VPS13B: variants seen among roughly 807,000 people sequenced by gnomAD.
The protein encoded by VPS13B is intermembrane lipid transfer protein VPS13B.
A neutral mutation model predicts 426.4 loss-of-function variants in VPS13B; 285 were observed. The observed-to-expected ratio is 0.67, with a 90% CI of 0.61 to 0.74. The LOEUF is 0.74. VPS13B is among the 30% of genes least tolerant of loss of function. The pLI is 0.00. For missense variants in VPS13B, 4,537 were observed against 4,782.6 expected (o/e 0.95, Z 1.51); for synonymous variants, 1,676 against 1,676.4 (o/e 1.00, Z 0.01).
chr8:99,421,896 G>A (rs772147859), intron 21 of VPS13B, among the ~76,000 whole-genome samples: 1 of 151,980 alleles, frequency 6.6e-6, no homozygotes, highest in Non-Finnish European at 1.5e-5. Flanking sequence ...TGTCCAGGAT[G>A]ATCTTGAACC....
At chr8:99,751,439 A>G (rs1225466847) in intron 39 of VPS13B, among the ~76,000 whole-genome samples, 1 of 152,160 alleles carries the variant, frequency 6.6e-6, no homozygotes, top group Non-Finnish European at 1.5e-5. Flanking sequence ...TACATTGGTA[A>G]AGAAAATGCT....
intron 51 of VPS13B, among the ~76,000 whole-genome samples, chr8:99,826,826 A>G (rs938503139): frequency 2.6e-5 from 4 of 152,170 alleles, no homozygotes; most frequent in African/African-American, 9.7e-5. Flanking sequence ...TATTGAGATA[A>G]TCACGTCGTT....
intron 35 of VPS13B, among the ~76,000 whole-genome samples, chr8:99,687,942 G>A (rs554005161): frequency 6.6e-6 from 1 of 151,980 alleles, no homozygotes; most frequent in Non-Finnish European, 1.5e-5. Context: ...GCCTAGCCTT[G>A]TGAATGAACT....
At chr8:99,411,859 A>G (rs1255851810) in intron 21 of VPS13B, among the ~76,000 whole-genome samples, 1 of 152,248 alleles carries the variant, frequency 6.6e-6, no homozygotes, top group South Asian at 2.1e-4. Context: ...GTCAAAGATC[A>G]GATGGTTGTA....
At chr8:99,753,180 A>G (rs777963440) in intron 39 of VPS13B, among the ~76,000 whole-genome samples, 2 of 152,166 alleles carry the variant, frequency 1.3e-5, no homozygotes, top group Non-Finnish European at 2.9e-5. Flanking sequence ...TCTTTTCCTA[A>G]AATATAAACT....
chr8:99,031,671 G>A (rs1842513710), intron 2 of VPS13B, among the ~76,000 whole-genome samples: 1 of 152,166 alleles, frequency 6.6e-6, no homozygotes, highest in South Asian at 2.1e-4. Flanking sequence ...ATCAATATCA[G>A]CATTTTCTGT....
intron 3 of VPS13B, among the ~76,000 whole-genome samples, chr8:99,057,832 A>G (rs1843963453): frequency 6.6e-6 from 1 of 152,128 alleles, no homozygotes; most frequent in African/African-American, 2.4e-5. Flanking sequence ...TCAATTATTC[A>G]TCAGTCTGTT....
At chr8:99,045,780 C>G (rs2132246185) in intron 3 of VPS13B, among the ~76,000 whole-genome samples, 1 of 152,224 alleles carries the variant, frequency 6.6e-6, no homozygotes, top group Non-Finnish European at 1.5e-5. Flanking sequence ...CCAATTATCC[C>G]AGCACCATTT....
At chr8:99,501,645 G>A in intron 25 of VPS13B, 42 bp from the exon 26 acceptor site, 1 of 1,588,156 alleles carries the variant, frequency 6.3e-7, no homozygotes, top group Non-Finnish European at 8.6e-7. Context: ...TGTTATTTTT[G>A]TTTATGTTAC....
At chr8:99,185,079 T>A (rs1231306962) in intron 16 of VPS13B, among the ~76,000 whole-genome samples, 2 of 152,236 alleles carry the variant, frequency 1.3e-5, no homozygotes, top group Non-Finnish European at 2.9e-5. Context: ...CAGCGTGATA[T>A]CATGTATGCA....
chr8:99,203,955 G>C (rs1327178671), intron 17 of VPS13B, among the ~76,000 whole-genome samples: 1 of 152,022 alleles, frequency 6.6e-6, no homozygotes, highest in Non-Finnish European at 1.5e-5. Context: ...TATAGATTCA[G>C]TATATCCCCA....
rs761707088 is a variant in VPS13B, at chr8:99,467,521, C to T, written c.3553C>T (p.Leu1185=). ...LVEPMGCTST[L]AVTSQKLLAT... ...GGAACCTATGGGTTGCACCTCCACTCTAGCTGTCACGTCTCAAAAACTGCT... is the reference window on the plus strand; with the variant it reads ...GGAACCTATGGGTTGCACCTCCACTTTAGCTGTCACGTCTCAAAAACTGCT... Residue 1185 remains leucine, a synonymous_variant, in exon 24 of 62, where the codon CTA becomes TTA. Coordinates refer to ENST00000357162, the MANE Select transcript of VPS13B (RefSeq NM_152564.5). 18 of 1,613,706 alleles carry T rather than the reference C, an allele frequency of 1.1e-5. No individual in the cohort carries two copies. The highest frequency in any genetic ancestry group is 1.4e-5 in the Non-Finnish European group (17 of 1,179,830).
intron 35 of VPS13B, among the ~76,000 whole-genome samples, chr8:99,668,950 T>C (rs951676191): frequency 1.3e-5 from 2 of 152,192 alleles, no homozygotes; most frequent in African/African-American, 4.8e-5. Flanking sequence ...CTATTCCATG[T>C]GTGAAGCCAT....
At chr8:99,783,730 G>T (rs1378223774) in intron 42 of VPS13B, among the ~76,000 whole-genome samples, 4 of 152,148 alleles carry the variant, frequency 2.6e-5, no homozygotes, top group Admixed American at 6.5e-5. Flanking sequence ...CTCTGGAGTT[G>T]ATCTGTTTTG....
chr8:99,752,280 C>T (rs927459685), intron 39 of VPS13B, among the ~76,000 whole-genome samples: 1 of 152,128 alleles, frequency 6.6e-6, no homozygotes, highest in African/African-American at 2.4e-5. Flanking sequence ...GTGCTAGACC[C>T]ATGGAGAACT....
intron 19 of VPS13B, among the ~76,000 whole-genome samples, chr8:99,284,149 C>T (rs1819306827): frequency 6.6e-6 from 1 of 152,042 alleles, no homozygotes; most frequent in African/African-American, 2.4e-5. Flanking sequence ...TATTTAAATA[C>T]AGGTGTATAT....
chr8:99,717,245 C>T lies in VPS13B; in HGVS notation c.6529C>T (p.Arg2177Cys), dbSNP rs756143690. 12 of 1,613,648 alleles carry T rather than the reference C, an allele frequency of 7.4e-6. No homozygotes were observed. Among genetic ancestry groups the T allele is most frequent in the East Asian group, 2.2e-5 (1 of 44,874 alleles). Residue 2177 changes from arginine to cysteine, a missense_variant, in exon 37 of 62, where the codon CGC becomes TGC. Around this residue, in one of 2 missense-constraint regions of VPS13B, gnomAD observed 4,311 missense variants for 4,474.3 expected, o/e 0.96. Coordinates refer to ENST00000357162, the MANE Select transcript of VPS13B (RefSeq NM_152564.5). The stretch of plus-strand genomic sequence containing the variant: ...TAAAACAAGTCTCAAAGAAAGAAGC[C>T]GCATTCTGATAGGACCATGTTGTGC... Reference protein sequence around the residue: ...LLKTSLKERSRILIGPCCATA... With the variant: ...LLKTSLKERSCILIGPCCATA...
chr8:99,551,134 T>A (rs1259024246), intron 30 of VPS13B, among the ~76,000 whole-genome samples: 8 of 152,082 alleles, frequency 5.3e-5, no homozygotes, highest in Admixed American at 5.2e-4. Flanking sequence ...GACAGATTTG[T>A]CAGTTTCTCC....
intron 23 of VPS13B, among the ~76,000 whole-genome samples, chr8:99,447,982 A>C (rs1052607233): frequency 2.0e-5 from 3 of 151,674 alleles, no homozygotes; most frequent in Admixed American, 2.0e-4. Flanking sequence ...TCCTGCCAAC[A>C]TCTACTGCTT....
Sources: allele counts gnomAD v4.1 joint callset (sites outside exome capture counted in the v4.1 genomes callset), GRCh38; gene constraint gnomAD v4.1.1; regional missense constraint gnomAD v4.1.1; transcripts MANE v1.5; gene names NCBI Gene and HGNC (gene_info 2026-07-23, HGNC 2026-07-21).